The following PPP2R1A variants were observed in gnomAD, a reference collection of about 807,000 sequenced individuals.
PPP2R1A encodes the protein serine/threonine-protein phosphatase 2A 65 kDa regulatory subunit A alpha isoform.
A neutral mutation model predicts 67.1 loss-of-function variants in PPP2R1A; 15 were observed. The ratio of observed to expected loss-of-function variants is 0.22; its 90% CI spans 0.15 to 0.34. PPP2R1A has a LOEUF of 0.34. Among genes scored for constraint, PPP2R1A ranks in the 10% least tolerant of loss-of-function variants. The pLI, the probability that PPP2R1A is intolerant of heterozygous loss-of-function variation, is 1.00. For synonymous variants in PPP2R1A, 337 were observed against 325.0 expected (o/e 1.04, Z -0.40); for missense variants, 369 against 775.0 (o/e 0.48, Z 6.22).
intron 3 of PPP2R1A, among the ~76,000 whole-genome samples, chr19:52,207,132 A>G (rs1179114512): frequency 6.6e-6 from 1 of 152,230 alleles, no homozygotes; most frequent in African/African-American, 2.4e-5. Context: ...ATTTGTGCGT[A>G]TGGACACACA....
At chr19:52,224,672 A>G (rs1979144598) in intron 13 of PPP2R1A, among the ~76,000 whole-genome samples, 1 of 152,054 alleles carries the variant, frequency 6.6e-6, no homozygotes, top group Non-Finnish European at 1.5e-5. Context: ...ACCTTTAAGT[A>G]ATTGGTTGGT....
intron 6 of PPP2R1A, among the ~76,000 whole-genome samples, chr19:52,214,533 A>T (rs1412439788): frequency 6.6e-6 from 1 of 152,180 alleles, no homozygotes; most frequent in African/African-American, 2.4e-5. Flanking sequence ...ACATTCAGTA[A>T]ATATTTGCAA....
At position 52,212,091 on chromosome 19, in the gene PPP2R1A, T is replaced by G. The variant is rs1360558399; in HGVS notation, c.504-595T>G. On this transcript the variant is annotated intron_variant, in intron 4 of 14. Transcript: ENST00000322088. The surrounding 1 kb of genome is among the most constrained non-coding windows in gnomAD (Gnocchi z 4.1). ...GCCTCTTAGTTAAGCAGTTTTTTGT[T>G]TGTTTGTTTTTTGAGATAGGATCTC... 6.6e-6 allele frequency among the ~76,000 whole-genome samples: 1 copy of G among 152,176 alleles called. No homozygotes were observed. Among genetic ancestry groups the G allele is most frequent in the African/African-American group, 2.4e-5 (1 of 41,452 alleles).
intron 3 of PPP2R1A, among the ~76,000 whole-genome samples, chr19:52,207,657 C>T (rs538070687): frequency 7.9e-5 from 12 of 152,312 alleles, no homozygotes; most frequent in African/African-American, 2.4e-4. Flanking sequence ...TGTGCTTGCT[C>T]GTTGCCTGCA....
intron 1 of PPP2R1A, among the ~76,000 whole-genome samples, chr19:52,194,891 G>A (rs2089484452): frequency 6.6e-6 from 1 of 152,202 alleles, no homozygotes; most frequent in African/African-American, 2.4e-5. Flanking sequence ...GGGGAACCGT[G>A]TGGGACCAAG....
chr19:52,203,289 G>T (rs531648640), intron 2 of PPP2R1A, among the ~76,000 whole-genome samples: 2 of 152,282 alleles, frequency 1.3e-5, no homozygotes, highest in South Asian at 2.1e-4. Flanking sequence ...GTGTCTGCTC[G>T]TATGACACTG....
rs1978423963 is a variant in PPP2R1A, at chr19:52,214,112, A to T, written c.807+1002A>T. Among the ~76,000 whole-genome samples the T allele has an allele frequency of 2.6e-5, 4 of 152,234 alleles. No homozygotes were observed. The South Asian group carries it at 8.3e-4, about 32-fold the overall frequency. On this transcript the variant is annotated intron_variant, in intron 6 of 14. Transcript: ENST00000322088. The stretch of plus-strand genomic sequence containing the variant: ...GTGGTGTTACAGCTGGTTCTAGAAG[A>T]TGAGTGGGTAAGAGCTAAGATAGGA...
intron 1 of PPP2R1A, among the ~76,000 whole-genome samples, chr19:52,195,377 C>G (rs994856643): frequency 5.9e-5 from 9 of 152,188 alleles, no homozygotes; most frequent in Admixed American, 5.9e-4. Context: ...CAGAAGAAGA[C>G]TTCCGTGACT....
At position 52,213,764 on chromosome 19, in the gene PPP2R1A, G is replaced by A. The variant is rs1301924949; in HGVS notation, c.807+654G>A. On this transcript the variant is annotated intron_variant, in intron 6 of 14. Coordinates refer to ENST00000322088, the MANE Select transcript of PPP2R1A (RefSeq NM_014225.6). The surrounding 1 kb of genome is among the most constrained non-coding windows in gnomAD (Gnocchi z 4.2). ...ATCTCCCAAAGTGCTGGGATTACAGGTGTTAGCCACCGCGCCCAGCCCCGG... is the reference window on the plus strand; with the variant it reads ...ATCTCCCAAAGTGCTGGGATTACAGATGTTAGCCACCGCGCCCAGCCCCGG... 1.3e-5 allele frequency among the ~76,000 whole-genome samples: 2 copies of A among 152,014 alleles called. No homozygotes were observed. Among genetic ancestry groups the A allele is most frequent in the Non-Finnish European group, 2.9e-5 (2 of 68,012 alleles).
chr19:52,206,790 G>C (rs957215427), intron 3 of PPP2R1A, among the ~76,000 whole-genome samples: 1 of 152,190 alleles, frequency 6.6e-6, no homozygotes, highest in African/African-American at 2.4e-5. Context: ...TGGGAAGGCA[G>C]ACCGTACAGG....
At chr19:52,199,775 C>A (rs760972719) in intron 1 of PPP2R1A, among the ~76,000 whole-genome samples, 5 of 152,182 alleles carry the variant, frequency 3.3e-5, no homozygotes, top group Admixed American at 2.0e-4. Context: ...ACTTACACCC[C>A]AGGTCAGTGA....
chr19:52,226,048 G>A lies in PPP2R1A; in HGVS notation c.*67G>A. ...CCAACCCCCACAAGTCCCTCTTTGG[G>A]GAGACACTGGGGGGCCTTTGGCTGT... is the stretch of plus-strand genomic sequence containing the variant. On this transcript the variant is annotated 3_prime_UTR_variant, in exon 15 of 15. Transcript: ENST00000322088. The A allele has an allele frequency of 1.2e-6, 2 of 1,611,616 alleles. No homozygotes were observed. The highest frequency in any genetic ancestry group is 1.7e-6 in the Non-Finnish European group (2 of 1,177,750).
At chr19:52,210,517 G>A (rs1195004158) in intron 3 of PPP2R1A, among the ~76,000 whole-genome samples, 1 of 148,364 alleles carries the variant, frequency 6.7e-6, no homozygotes, top group Non-Finnish European at 1.5e-5. Flanking sequence ...TTTTGAGACG[G>A]AGTCTCGCTG....
rs1006638054 is a variant in PPP2R1A at position 52,226,351 on chromosome 19, A to G, written c.*370A>G. ...ATCATTGGTTTTTTTTTGTGTGTCA[A>G]CTGTGCCGTTTTTATTTTATTCCTT... is the stretch of plus-strand genomic sequence containing the variant. On this transcript the variant is annotated 3_prime_UTR_variant, in exon 15 of 15. Coordinates refer to ENST00000322088, the MANE Select transcript of PPP2R1A (RefSeq NM_014225.6). 14 of 370,510 alleles carry G rather than the reference A, an allele frequency of 3.8e-5. No homozygotes were observed. The highest frequency in any genetic ancestry group is 5.9e-5 in the Non-Finnish European group (12 of 204,750). 23.0% of individuals were successfully genotyped at this position (370,510 alleles called of 1,614,324 possible). A position where few individuals can be genotyped will look rare whatever the true frequency, so the allele number is the denominator to read the frequency against.
intron 1 of PPP2R1A, among the ~76,000 whole-genome samples, chr19:52,191,606 C>T (rs1275266373): frequency 6.6e-6 from 1 of 152,134 alleles, no homozygotes; most frequent in African/African-American, 2.4e-5. Flanking sequence ...GTTGTATTCC[C>T]GGCCCTTCCA....
Position 52,222,369 on chromosome 19 carries a change from T to A in PPP2R1A, c.1661+128T>A, listed in dbSNP as rs1978991897. On this transcript the variant is annotated intron_variant, in intron 13 of 14. Transcript: ENST00000322088. ...TCCTTGCTTGCTGTGTGACCTTGGCTCCCTTCCCTTCTCAAGGTGTGTTTT... is the reference window on the plus strand; with the variant it reads ...TCCTTGCTTGCTGTGTGACCTTGGCACCCTTCCCTTCTCAAGGTGTGTTTT... 2.3e-6 allele frequency: 3 copies of A among 1,328,978 alleles called. 1 individual carries two copies. Among genetic ancestry groups the A allele is most frequent in the Middle Eastern group, 2.2e-4 (1 of 4,542 alleles). The allele number at this position is 1,328,978 out of a possible 1,614,324, so 82.3% of individuals were successfully genotyped here.
At position 52,216,812 on chromosome 19, in the gene PPP2R1A, C is replaced by A; in HGVS notation, c.1128+149C>A. 1.6e-6 allele frequency: 2 copies of A among 1,256,374 alleles called. No individual in the cohort carries two copies. The highest frequency in any genetic ancestry group is 2.2e-6 in the Non-Finnish European group (2 of 903,876). The allele number at this position is 1,256,374 out of a possible 1,614,324, so 77.8% of individuals were successfully genotyped here. ...CTGAGTTGCATGTTTGTGGGCATAGCTGTGTGTTCATGCGTTCATTCCTCC... is the reference window on the plus strand; with the variant it reads ...CTGAGTTGCATGTTTGTGGGCATAGATGTGTGTTCATGCGTTCATTCCTCC... On this transcript the variant is annotated intron_variant, in intron 9 of 14. Coordinates refer to ENST00000322088, the MANE Select transcript of PPP2R1A (RefSeq NM_014225.6). The surrounding 1 kb of genome is among the most constrained non-coding windows in gnomAD (Gnocchi z 4.3).
chr19:52,203,167 A>G (rs1379779127), intron 2 of PPP2R1A, among the ~76,000 whole-genome samples: 1 of 152,136 alleles, frequency 6.6e-6, no homozygotes, highest in African/African-American at 2.4e-5. Flanking sequence ...CCCTCCCCAC[A>G]CTGGACAGAT....
Position 52,226,320 on chromosome 19 carries a change from C to T in PPP2R1A, c.*339C>T. The T allele has an allele frequency of 2.4e-6, 1 of 411,486 alleles. No homozygotes were observed. Among genetic ancestry groups the T allele is most frequent in the Non-Finnish European group, 4.3e-6 (1 of 230,360 alleles). 25.5% of individuals were successfully genotyped at this position (411,486 alleles called of 1,614,324 possible). A position where few individuals can be genotyped will look rare whatever the true frequency, so the allele number is the denominator to read the frequency against. On this transcript the variant is annotated 3_prime_UTR_variant, in exon 15 of 15. Transcript: ENST00000322088. The stretch of plus-strand genomic sequence containing the variant: ...CCCATTTACTTCTCCACCTCCCGTC[C>T]TCCCCATCATTGGTTTTTTTTTGTG...
Sources: allele counts gnomAD v4.1 joint callset (sites outside exome capture counted in the v4.1 genomes callset), GRCh38; gene constraint gnomAD v4.1.1; non-coding constraint Gnocchi (gnomAD v3.1); transcripts MANE v1.5; gene names NCBI Gene and HGNC (gene_info 2026-07-23, HGNC 2026-07-21).